BABAM2: variants seen among roughly 807,000 people sequenced by gnomAD.
BABAM2 encodes BRISC and BRCA1 A complex member 2, also known as BRISC and BRCA1-A complex member 2.
BABAM2 carries 31 observed loss-of-function variants against 54.7 expected under a neutral mutation model. That is an observed-to-expected ratio of 0.57 (90% CI 0.43 to 0.77). The LOEUF is 0.77. Among genes scored for constraint, BABAM2 ranks in the 30% least tolerant of loss-of-function variants. The pLI, the probability that BABAM2 is intolerant of heterozygous loss-of-function variation, is 0.00. For synonymous variants in BABAM2, 167 were observed against 162.9 expected (o/e 1.03, Z -0.19); for missense variants, 364 against 455.8 (o/e 0.80, Z 1.83).
intron 7 of BABAM2, among the ~76,000 whole-genome samples, chr2:28,182,278 T>C (rs58885797): frequency 0.11 from 16,771 of 152,160 alleles, 1,012 homozygotes; most frequent in African/African-American, 0.14. Context: ...ATCTCCCACT[T>C]AGGGACAGGA....
rs750726869 is a variant in BABAM2, at chr2:28,129,285, C to T, written c.585C>T (p.Asp195=). The T allele has an allele frequency of 5.0e-6, 8 of 1,613,818 alleles. No individual in the cohort carries two copies. The East Asian group carries it at 1.8e-4, about 36-fold the overall frequency. ...PTYLLKDVNE[D]PGEDVALLSV... is the part of the protein sequence containing the mutation. ...TCTTGTTTAAGGATGTAAATGAAGA[C>T]CCTGGAGAAGATGTGGCCCTCCTCT... Residue 195 remains aspartate, a synonymous_variant, in exon 7 of 12, where the codon GAC becomes GAT. Transcript: ENST00000379624.
chr2:27,998,468 T>C (rs1673337114), intron 4 of BABAM2, among the ~76,000 whole-genome samples: 1 of 152,066 alleles, frequency 6.6e-6, no homozygotes, highest in Non-Finnish European at 1.5e-5. Flanking sequence ...TGTCTACATT[T>C]TTCAGTTTTT....
chr2:27,960,032 G>A (rs913864379), intron 3 of BABAM2, among the ~76,000 whole-genome samples: 2 of 151,900 alleles, frequency 1.3e-5, no homozygotes, highest in African/African-American at 4.8e-5. Flanking sequence ...CATTTCAATA[G>A]ATTTTTTTCC....
intron 3 of BABAM2, among the ~76,000 whole-genome samples, chr2:27,941,522 C>T (rs965867053): frequency 3.3e-5 from 5 of 150,714 alleles, no homozygotes; most frequent in Non-Finnish European, 7.4e-5. Context: ...CGGCACTGCA[C>T]ACCAGCCTGG....
At chr2:28,243,034 A>G (rs954873384) in intron 9 of BABAM2, among the ~76,000 whole-genome samples, 3 of 152,150 alleles carry the variant, frequency 2.0e-5, no homozygotes, top group African/African-American at 7.2e-5. Context: ...TACACAGCTC[A>G]CTCTATTGAA....
intron 6 of BABAM2, among the ~76,000 whole-genome samples, chr2:28,127,083 G>T (rs973487745): frequency 6.6e-6 from 1 of 152,092 alleles, no homozygotes; most frequent in Admixed American, 6.5e-5. Flanking sequence ...CTCTGATTTT[G>T]TAGGTTGCCT....
At chr2:28,041,077 A>G (rs1016730045) in intron 5 of BABAM2, among the ~76,000 whole-genome samples, 3 of 152,248 alleles carry the variant, frequency 2.0e-5, no homozygotes, top group African/African-American at 7.2e-5. Context: ...AGCAGTTCAA[A>G]TGAGTCCAAG....
chr2:28,159,397 G>A (rs908523274), intron 7 of BABAM2, among the ~76,000 whole-genome samples: 1 of 152,180 alleles, frequency 6.6e-6, no homozygotes, highest in Non-Finnish European at 1.5e-5. Flanking sequence ...GTCTGCTATG[G>A]AGTCCAAGAA....
chr2:27,993,715 G>A (rs907742450), intron 4 of BABAM2, among the ~76,000 whole-genome samples: 9 of 152,158 alleles, frequency 5.9e-5, no homozygotes, highest in African/African-American at 1.9e-4. Context: ...TTTGGGACAA[G>A]CATCTTCAGG....
chr2:27,919,077 A>G (rs1667181396), intron 2 of BABAM2, among the ~76,000 whole-genome samples: 1 of 152,182 alleles, frequency 6.6e-6, no homozygotes, highest in Non-Finnish European at 1.5e-5. Context: ...CTTTCTGCAT[A>G]GAGATCTTGC....
At chr2:28,228,608 G>T (rs1681094309) in intron 7 of BABAM2, among the ~76,000 whole-genome samples, 1 of 152,028 alleles carries the variant, frequency 6.6e-6, no homozygotes, top group South Asian at 2.1e-4. Context: ...TAAAGAAACT[G>T]TAATGCAATC....
chr2:28,149,161 A>T lies in BABAM2; in HGVS notation c.680+19781A>T, dbSNP rs543235894. Among the ~76,000 whole-genome samples the T allele has an allele frequency of 1.1e-4, 16 of 152,316 alleles. No individual in the cohort carries two copies. In the South Asian group the frequency reaches 2.3e-3, roughly 22 times the overall value. On this transcript the variant is annotated intron_variant, in intron 7 of 11. Coordinates refer to ENST00000379624, the MANE Select transcript of BABAM2 (RefSeq NM_199191.3). Reference sequence around the variant, plus strand: ...TACTGTAGTGTTTTTATTGTATTTTAAAAAAATTAAGCCGAGTATAACTTA... The same window carrying T: ...TACTGTAGTGTTTTTATTGTATTTTTAAAAAATTAAGCCGAGTATAACTTA...
chr2:28,001,418 A>G (rs553084855), intron 4 of BABAM2, among the ~76,000 whole-genome samples: 12 of 152,298 alleles, frequency 7.9e-5, no homozygotes, highest in African/African-American at 2.9e-4. Flanking sequence ...TTTCTTCAAT[A>G]CCTGTTTATT....
Position 27,927,838 on chromosome 2 carries a change from G to GTT in BABAM2, c.129-1979_129-1978dup, listed in dbSNP as rs376186465. ...TAAACATACCCTTGTTAAAGTTTCTGTTTTTTTTTTTTTTTTCTTTTTTGA... is the reference window on the plus strand; with the variant it reads ...TAAACATACCCTTGTTAAAGTTTCTGTTTTTTTTTTTTTTTTTTCTTTTTTGA... On this transcript the variant is annotated intron_variant, in intron 2 of 11. Coordinates refer to ENST00000379624, the MANE Select transcript of BABAM2 (RefSeq NM_199191.3). 9.5e-3 allele frequency among the ~76,000 whole-genome samples: 1,289 copies of GTT among 135,366 alleles called. 11 individuals carry two copies. Among genetic ancestry groups the GTT allele is most frequent in the Non-Finnish European group, 0.014 (875 of 64,300 alleles). The allele number at this position is 135,366 out of a possible 152,430, so 88.8% of individuals were successfully genotyped here.
rs550435965 is a variant in BABAM2 at position 28,142,774 on chromosome 2, G to T, written c.680+13394G>T. ...CACAACCAATTTAATGTGTTTTAAA[G>T]CTAAAGGAAATTATTTTGAGAGCTT... On this transcript the variant is annotated intron_variant, in intron 7 of 11. Transcript: ENST00000379624. Among the ~76,000 whole-genome samples, 156 of 152,044 alleles carry T rather than the reference G, an allele frequency of 1.0e-3. 1 individual carries two copies. The highest frequency in any genetic ancestry group is 1.6e-3 in the Non-Finnish European group (106 of 67,944).
At position 28,292,943 on chromosome 2, in the gene BABAM2, G is replaced by T. The variant is rs1035788876; in HGVS notation, c.935-5395G>T. On this transcript the variant is annotated intron_variant, in intron 10 of 11. Coordinates refer to ENST00000379624, the MANE Select transcript of BABAM2 (RefSeq NM_199191.3). ...TGTCCGCCACCACTGCCAAGATTGG[G>T]AGTGAATATCACTTACTATATGGTG... 3.3e-5 allele frequency among the ~76,000 whole-genome samples: 5 copies of T among 152,204 alleles called. No homozygotes were observed. The East Asian group carries it at 5.8e-4, about 18-fold the overall frequency.
intron 4 of BABAM2, among the ~76,000 whole-genome samples, chr2:28,010,860 G>T (rs1208213801): frequency 6.6e-6 from 1 of 152,066 alleles, no homozygotes; most frequent in Non-Finnish European, 1.5e-5. Context: ...TTTCCCTTGT[G>T]AATAAAAAAT....
intron 11 of BABAM2, chr2:28,310,127 TC>T (rs1209633557): frequency 1.2e-6 from 2 of 1,614,146 alleles, no homozygotes; most frequent in Non-Finnish European, 8.5e-7. Context: ...CTGCCTGACA[TC>T]CAGGCATCCT....
At chr2:28,008,326 A>G (rs981714198) in intron 4 of BABAM2, among the ~76,000 whole-genome samples, 2 of 152,148 alleles carry the variant, frequency 1.3e-5, no homozygotes, top group African/African-American at 4.8e-5. Flanking sequence ...GAAGAAATAA[A>G]CAGTCTTTTT....
Sources: allele counts gnomAD v4.1 joint callset (sites outside exome capture counted in the v4.1 genomes callset), GRCh38; gene constraint gnomAD v4.1.1; transcripts MANE v1.5; gene names NCBI Gene and HGNC (gene_info 2026-07-23, HGNC 2026-07-21).